PRKD1: variants seen among roughly 807,000 people sequenced by gnomAD.
PRKD1 encodes serine/threonine-protein kinase D1.
PRKD1 carries 63 observed loss-of-function variants against 95.9 expected under a neutral mutation model. That is an observed-to-expected ratio of 0.66 (90% confidence interval 0.54 to 0.81). The LOEUF (loss-of-function observed/expected upper bound fraction) is 0.81, where lower values mean the gene tolerates loss of function less well. Among genes scored for constraint, PRKD1 ranks in the 30% least tolerant of loss-of-function variants. The probability of loss-of-function intolerance (pLI) is 0.00; values close to 1 mark genes in which losing one functional copy is unlikely to be tolerated. For synonymous variants in PRKD1, 425 were observed against 423.1 expected (o/e 1.00, Z -0.05); for missense variants, 1,048 against 1,165.3 (o/e 0.90, Z 1.47).
At chr14:29,621,789 T>C (rs983490704) in intron 13 of PRKD1, among the ~76,000 whole-genome samples, 3 of 152,180 alleles carry the variant, frequency 2.0e-5, no homozygotes, top group Non-Finnish European at 2.9e-5. Context: ...CAATAAATAC[T>C]AGTTTGATGA....
intron 1 of PRKD1, among the ~76,000 whole-genome samples, chr14:29,783,486 T>C (rs1262731111): frequency 6.6e-6 from 1 of 152,218 alleles, no homozygotes; most frequent in Non-Finnish European, 1.5e-5. Flanking sequence ...GATATACTGA[T>C]TTCCTTTCCA....
At chr14:29,803,140 G>T (rs1890101856) in intron 1 of PRKD1, among the ~76,000 whole-genome samples, 1 of 152,152 alleles carries the variant, frequency 6.6e-6, no homozygotes, top group Admixed American at 6.5e-5. Context: ...GGACCCACAG[G>T]CTTAAGGAAA....
chr14:29,627,420 T>C (rs1419798958), intron 11 of PRKD1, among the ~76,000 whole-genome samples: 1 of 152,232 alleles, frequency 6.6e-6, no homozygotes, highest in Non-Finnish European at 1.5e-5. Context: ...GTGAAGTAGC[T>C]AAACTCGTCC....
At chr14:29,758,330 C>A (rs45574334) in intron 1 of PRKD1, among the ~76,000 whole-genome samples, 6 of 152,214 alleles carry the variant, frequency 3.9e-5, no homozygotes, top group African/African-American at 1.4e-4. Flanking sequence ...CAGACTTGAT[C>A]GAGAGGTGGA....
intron 1 of PRKD1, among the ~76,000 whole-genome samples, chr14:29,735,857 T>C (rs973082184): frequency 5.9e-5 from 9 of 152,224 alleles, no homozygotes; most frequent in African/African-American, 1.7e-4. Context: ...CTTGAATGCC[T>C]CAAATCCTAA....
intron 13 of PRKD1, among the ~76,000 whole-genome samples, chr14:29,605,438 C>G (rs1171981528): frequency 6.6e-6 from 1 of 152,212 alleles, no homozygotes; most frequent in Admixed American, 6.5e-5. Context: ...GCCACACTCT[C>G]TCCTTTCTAT....
intron 4 of PRKD1, among the ~76,000 whole-genome samples, chr14:29,657,102 G>A (rs1881894435): frequency 6.6e-6 from 1 of 152,072 alleles, no homozygotes; most frequent in South Asian, 2.1e-4. Flanking sequence ...TAGAATCTTT[G>A]TTGCATATTA....
chr14:29,785,898 T>C (rs1049897543), intron 1 of PRKD1, among the ~76,000 whole-genome samples: 1 of 149,118 alleles, frequency 6.7e-6, no homozygotes, highest in South Asian at 2.1e-4. Context: ...AAAAGGAAAG[T>C]GGGCATCCTT....
intron 1 of PRKD1, among the ~76,000 whole-genome samples, chr14:29,834,098 T>C (rs1891520907): frequency 6.6e-6 from 1 of 152,196 alleles, no homozygotes; most frequent in Non-Finnish European, 1.5e-5. Flanking sequence ...CATTAAATAC[T>C]ATGTGTTCAT....
chr14:29,695,448 G>A (rs1041843508), intron 2 of PRKD1, among the ~76,000 whole-genome samples: 1 of 152,168 alleles, frequency 6.6e-6, no homozygotes, highest in African/African-American at 2.4e-5. Context: ...TAGAGGATGG[G>A]TGAACTGATA....
At chr14:29,652,080 G>A (rs1350619866) in intron 4 of PRKD1, among the ~76,000 whole-genome samples, 1 of 152,136 alleles carries the variant, frequency 6.6e-6, no homozygotes, top group Admixed American at 6.6e-5. Flanking sequence ...CAGTTCAGAA[G>A]TTATGAGCAG....
chr14:29,658,879 C>T (rs1882038775), intron 4 of PRKD1, among the ~76,000 whole-genome samples: 1 of 152,178 alleles, frequency 6.6e-6, no homozygotes, highest in Non-Finnish European at 1.5e-5. Flanking sequence ...ATAGGAATCT[C>T]ATAACATAAT....
chr14:29,748,355 T>G (rs991891518), intron 1 of PRKD1, among the ~76,000 whole-genome samples: 1 of 152,204 alleles, frequency 6.6e-6, no homozygotes, highest in Non-Finnish European at 1.5e-5. Context: ...GGTGAAAGTC[T>G]TTTCAAATCA....
At chr14:29,917,225 A>T (rs1399835856) in intron 1 of PRKD1, among the ~76,000 whole-genome samples, 3 of 152,212 alleles carry the variant, frequency 2.0e-5, no homozygotes, top group African/African-American at 7.2e-5. Flanking sequence ...AAAACAAAGA[A>T]ATAGTTCCAT....
chr14:29,579,535 C>A (rs766653298), intron 16 of PRKD1, among the ~76,000 whole-genome samples: 1 of 152,102 alleles, frequency 6.6e-6, no homozygotes, highest in Non-Finnish European at 1.5e-5. Context: ...AGCTTTGAAT[C>A]CACTTTTTGG....
intron 4 of PRKD1, among the ~76,000 whole-genome samples, chr14:29,659,579 T>G (rs1051678933): frequency 2.0e-5 from 3 of 152,176 alleles, no homozygotes; most frequent in Admixed American, 1.3e-4. Context: ...CAATATACAA[T>G]CCCAGTAGTA....
At position 29,674,537 on chromosome 14, in the gene PRKD1, G is replaced by A. The variant is rs188228876; in HGVS notation, c.404-8329C>T. ...TAAATGGTTGCCCCATGTGTCCAACGTAGAAGAAAAAGAAAATTAAGTAAA... is the reference window on the plus strand; with the variant it reads ...TAAATGGTTGCCCCATGTGTCCAACATAGAAGAAAAAGAAAATTAAGTAAA... On this transcript the variant is annotated intron_variant, in intron 2 of 17. Coordinates refer to ENST00000331968, the MANE Select transcript of PRKD1 (RefSeq NM_002742.3). Among the ~76,000 whole-genome samples, 36 of 152,246 alleles carry A rather than the reference G, an allele frequency of 2.4e-4. No homozygotes were observed. In the East Asian group the frequency reaches 6.6e-3, roughly 28 times the overall value.
intron 1 of PRKD1, among the ~76,000 whole-genome samples, chr14:29,762,358 T>C (rs1254383083): frequency 3.3e-5 from 5 of 152,154 alleles, no homozygotes; most frequent in Non-Finnish European, 1.5e-5. Context: ...GCCACCACTC[T>C]GCATGAAAGA....
chr14:29,862,471 T>A (rs1340443696), intron 1 of PRKD1, among the ~76,000 whole-genome samples: 1 of 152,214 alleles, frequency 6.6e-6, no homozygotes, highest in Non-Finnish European at 1.5e-5. Flanking sequence ...TTCTCCATAG[T>A]GATTGTAATA....
Sources: gnomAD v4.1 joint callset for allele counts (sites outside exome capture counted in the v4.1 genomes callset) on GRCh38, gnomAD v4.1.1 for gene constraint, MANE v1.5 for transcripts, NCBI Gene and HGNC (gene_info 2026-07-23, HGNC 2026-07-21) for gene names.